Variants in PRKN observed in about 807,000 individuals in gnomAD.
The protein encoded by PRKN is parkin RBR E3 ubiquitin protein ligase, also known as E3 ubiquitin-protein ligase parkin.
In PRKN, 56 loss-of-function variants were observed where a neutral mutation model predicts 59.5. That is an observed-to-expected ratio of 0.94 (90% CI 0.76 to 1.18). PRKN has a LOEUF of 1.18. PRKN is among the 50% of genes most tolerant of loss of function. The pLI is 0.00. For missense variants in PRKN, 657 were observed against 596.4 expected (o/e 1.10, Z -1.06); for synonymous variants, 250 against 222.1 (o/e 1.13, Z -1.12).
intron 9 of PRKN, among the ~76,000 whole-genome samples, chr6:161,411,167 A>G (rs1476268237): frequency 6.6e-6 from 1 of 152,100 alleles, no homozygotes; most frequent in Non-Finnish European, 1.5e-5. Flanking sequence ...GGTCAGTGAC[A>G]TGGCTTGGCT....
chr6:161,599,628 A>G (rs763364181), intron 7 of PRKN, among the ~76,000 whole-genome samples: 1 of 152,182 alleles, frequency 6.6e-6, no homozygotes, highest in Non-Finnish European at 1.5e-5. Context: ...CCTTTATACC[A>G]GGTAAACTTT....
At chr6:162,210,973 G>A (rs535458400) in intron 3 of PRKN, among the ~76,000 whole-genome samples, 193 of 152,276 alleles carry the variant, frequency 1.3e-3, no homozygotes, top group Admixed American at 2.7e-3. Flanking sequence ...AGGTAGGTAC[G>A]ATTGTCAGCA....
chr6:161,635,812 T>C (rs1379393258), intron 7 of PRKN, among the ~76,000 whole-genome samples: 1 of 152,136 alleles, frequency 6.6e-6, no homozygotes, highest in East Asian at 1.9e-4. Flanking sequence ...TCTCAGAACT[T>C]TAAGTAACTA....
Position 161,376,418 on chromosome 6 carries a change from A to C in PRKN, c.1167+10376T>G, listed in dbSNP as rs1785704109. Among the ~76,000 whole-genome samples, 1 of 152,144 alleles carries C rather than the reference A, an allele frequency of 6.6e-6. No homozygotes were observed. Among genetic ancestry groups the C allele is most frequent in the African/African-American group, 2.4e-5 (1 of 41,430 alleles). On this transcript the variant is annotated intron_variant, in intron 10 of 11. Transcript: ENST00000366898. The surrounding 1 kb of genome is among the most constrained non-coding windows in gnomAD (Gnocchi z 7.3). ...GTCTCCTCTTCCAGCCAATGGCACC[A>C]CCATCGTTCTAAGCTAGACATTCAT...
chr6:161,676,599 C>T (rs1013870092), intron 7 of PRKN, among the ~76,000 whole-genome samples: 9 of 152,202 alleles, frequency 5.9e-5, no homozygotes, highest in African/African-American at 2.2e-4. Context: ...TCCTTTTGTG[C>T]TGCGACAGCG....
At chr6:161,858,575 AC>A (rs1793750189) in intron 6 of PRKN, among the ~76,000 whole-genome samples, 1 of 150,206 alleles carries the variant, frequency 6.7e-6, no homozygotes, top group South Asian at 2.1e-4. Flanking sequence ...CTGAATACCC[AC>A]CCCCACCTTC....
At chr6:161,866,571 T>C (rs1426213807) in intron 6 of PRKN, among the ~76,000 whole-genome samples, 2 of 151,902 alleles carry the variant, frequency 1.3e-5, no homozygotes, top group East Asian at 3.9e-4. Context: ...TAATACTCTG[T>C]TTAAAAAAAG....
intron 1 of PRKN, among the ~76,000 whole-genome samples, chr6:162,493,739 C>G (rs1792926528): frequency 6.6e-6 from 1 of 152,124 alleles, no homozygotes; most frequent in South Asian, 2.1e-4. Context: ...CCACTCCTTC[C>G]ATAAGGAAGC....
chr6:161,613,437 G>A (rs1782561181), intron 7 of PRKN, among the ~76,000 whole-genome samples: 1 of 152,064 alleles, frequency 6.6e-6, no homozygotes, highest in South Asian at 2.1e-4. Context: ...GACAATAAAG[G>A]ATTTTGAAAA....
chr6:162,461,188 A>G (rs1486793297), intron 1 of PRKN, among the ~76,000 whole-genome samples: 3 of 151,518 alleles, frequency 2.0e-5, no homozygotes, highest in Non-Finnish European at 4.4e-5. Flanking sequence ...GTACCACACC[A>G]AATGTTTTAA....
chr6:162,451,951 T>C (rs1296107352), intron 1 of PRKN, among the ~76,000 whole-genome samples: 1 of 152,106 alleles, frequency 6.6e-6, no homozygotes, highest in Non-Finnish European at 1.5e-5. Flanking sequence ...ATAGTCAAAC[T>C]ATGGAAAGCC....
At chr6:162,157,131 C>T (rs1438772954) in intron 4 of PRKN, among the ~76,000 whole-genome samples, 1 of 151,786 alleles carries the variant, frequency 6.6e-6, no homozygotes, top group Non-Finnish European at 1.5e-5. Flanking sequence ...CACATTTTGC[C>T]AGTATTTTGT....
chr6:161,610,119 G>A (rs1418837762), intron 7 of PRKN, among the ~76,000 whole-genome samples: 2 of 152,092 alleles, frequency 1.3e-5, no homozygotes, highest in Non-Finnish European at 2.9e-5. Flanking sequence ...ACTATGCTAG[G>A]AACTCAAACT....
Position 162,688,908 on chromosome 6 carries a change from A to G in PRKN, c.7+38754T>C, listed in dbSNP as rs191835306. Among the ~76,000 whole-genome samples, 438 of 152,304 alleles carry G rather than the reference A, an allele frequency of 2.9e-3. 2 individuals are homozygous for G. The highest frequency in any genetic ancestry group is 0.01 in the African/African-American group (429 of 41,570). On this transcript the variant is annotated intron_variant, in intron 1 of 11. Transcript: ENST00000366898. The stretch of plus-strand genomic sequence containing the variant: ...TCTCAAGGAATACAGCAGAAATTGA[A>G]CCATAAAGCTTAGCTTGACAGAAAG...
intron 7 of PRKN, among the ~76,000 whole-genome samples, chr6:161,604,101 C>G (rs1782194821): frequency 6.6e-6 from 1 of 152,124 alleles, no homozygotes; most frequent in Non-Finnish European, 1.5e-5. Context: ...GCCACCTGGT[C>G]TATGGGATCT....
chr6:162,405,956 T>C (rs1329403281), intron 2 of PRKN, among the ~76,000 whole-genome samples: 3 of 151,828 alleles, frequency 2.0e-5, no homozygotes, highest in Non-Finnish European at 2.9e-5. Flanking sequence ...AAGCAACAAA[T>C]AAAAAGATGG....
chr6:162,723,082 T>C (rs903732763), intron 1 of PRKN, among the ~76,000 whole-genome samples: 1 of 152,178 alleles, frequency 6.6e-6, no homozygotes, highest in African/African-American at 2.4e-5. Flanking sequence ...TAAAATTCAC[T>C]GCACACAAGC....
chr6:162,371,247 C>T (rs139535488), intron 2 of PRKN, among the ~76,000 whole-genome samples: 386 of 152,256 alleles, frequency 2.5e-3, no homozygotes, highest in African/African-American at 8.5e-3. Context: ...CTCTGGGCCC[C>T]GACCCAAATC....
Position 161,376,828 on chromosome 6 carries a change from C to T in PRKN, c.1167+9966G>A, listed in dbSNP as rs1785725387. ...CTGTTGAGAGCACCCCAAGACACTC[C>T]CTGCCTGCAAGTCTCAGAGCCTGTT... On this transcript the variant is annotated intron_variant, in intron 10 of 11. Coordinates refer to ENST00000366898, the MANE Select transcript of PRKN (RefSeq NM_004562.3). The surrounding 1 kb of genome is among the most constrained non-coding windows in gnomAD (Gnocchi z 7.3). 6.6e-6 allele frequency among the ~76,000 whole-genome samples: 1 copy of T among 152,212 alleles called. No individual in the cohort carries two copies. The highest frequency in any genetic ancestry group is 2.4e-5 in the African/African-American group (1 of 41,454).
Sources: allele counts gnomAD v4.1 joint callset (sites outside exome capture counted in the v4.1 genomes callset), GRCh38; gene constraint gnomAD v4.1.1; non-coding constraint Gnocchi (gnomAD v3.1); transcripts MANE v1.5; gene names NCBI Gene and HGNC (gene_info 2026-07-23, HGNC 2026-07-21).